The following SUGCT variants were observed in gnomAD, a reference collection of about 807,000 sequenced individuals.
SUGCT encodes succinyl-CoA:glutarate-CoA transferase, also known as succinyl-CoA:glutarate CoA-transferase.
SUGCT carries 41 observed loss-of-function variants against 55.0 expected under a neutral mutation model. The observed-to-expected ratio is 0.74, with a 90% CI of 0.58 to 0.97. SUGCT has a LOEUF of 0.97. Among genes scored for constraint, SUGCT ranks in the 50% least tolerant of loss-of-function variants. The probability of loss-of-function intolerance (pLI) is 0.00; values close to 1 mark genes in which losing one functional copy is unlikely to be tolerated. For missense variants in SUGCT, 568 were observed against 547.8 expected, an observed-to-expected ratio of 1.04 and a Z score of -0.37; for synonymous variants, 187 against 200.4, an observed-to-expected ratio of 0.93 and a Z score of 0.56.
intron 9 of SUGCT, among the ~76,000 whole-genome samples, chr7:40,353,598 T>C (rs747329468): frequency 2.0e-5 from 3 of 152,176 alleles, no homozygotes; most frequent in Non-Finnish European, 4.4e-5. Flanking sequence ...ACTAATACCA[T>C]TTTCTGTGCT....
chr7:40,189,923 A>G (rs1562564564), intron 5 of SUGCT, among the ~76,000 whole-genome samples: 1 of 152,202 alleles, frequency 6.6e-6, no homozygotes, highest in Non-Finnish European at 1.5e-5. Context: ...TCATTTACAT[A>G]AAAGGGAATT....
the SUGCT span, among the ~76,000 whole-genome samples, chr7:40,923,712 T>A: frequency 6.6e-6 from 1 of 152,152 alleles, no homozygotes; most frequent in Non-Finnish European, 1.5e-5. Flanking sequence ...GGCAAAAATA[T>A]GGTATTTGGT....
chr7:40,886,075 A>G, the SUGCT span, among the ~76,000 whole-genome samples: 9 of 152,212 alleles, frequency 5.9e-5, no homozygotes, highest in Non-Finnish European at 1.0e-4. Context: ...GGCCTAGTAT[A>G]TATAAACATG....
intron 9 of SUGCT, among the ~76,000 whole-genome samples, chr7:40,417,879 T>C (rs902406237): frequency 3.9e-5 from 5 of 127,504 alleles, no homozygotes; most frequent in African/African-American, 5.9e-5. Context: ...TTTTGCTTTA[T>C]TTATTACACT....
chr7:40,958,039 G>C, the SUGCT span, among the ~76,000 whole-genome samples: 2 of 152,152 alleles, frequency 1.3e-5, no homozygotes, highest in African/African-American at 4.8e-5. Context: ...GTCTGTTAGT[G>C]TGATGGGCCT....
chr7:40,918,148 C>T, the SUGCT span, among the ~76,000 whole-genome samples: 1 of 151,966 alleles, frequency 6.6e-6, no homozygotes, highest in East Asian at 1.9e-4. Flanking sequence ...TCATACCCCC[C>T]TGAAAAGGGT....
intron 8 of SUGCT, among the ~76,000 whole-genome samples, chr7:40,291,360 A>G (rs1042433971): frequency 5.3e-5 from 8 of 151,004 alleles, no homozygotes; most frequent in African/African-American, 1.2e-4. Flanking sequence ...TTGCAGGGAC[A>G]TGGATGAAAC....
At chr7:40,780,105 C>T (rs1396762266) in intron 13 of SUGCT, among the ~76,000 whole-genome samples, 1 of 152,054 alleles carries the variant, frequency 6.6e-6, no homozygotes, top group Non-Finnish European at 1.5e-5. Context: ...ATCTGTTGCC[C>T]TCCTTTGCTT....
At chr7:40,625,365 G>A (rs1799477934) in intron 12 of SUGCT, among the ~76,000 whole-genome samples, 1 of 152,064 alleles carries the variant, frequency 6.6e-6, no homozygotes, top group Non-Finnish European at 1.5e-5. Context: ...CATTTAAATA[G>A]GGTATCAGGA....
chr7:40,215,722 C>T (rs920520369), intron 6 of SUGCT, among the ~76,000 whole-genome samples: 53 of 151,872 alleles, frequency 3.5e-4, no homozygotes, highest in African/African-American at 1.0e-3. Flanking sequence ...ATTAGCTGGG[C>T]GAGGTGGCGG....
chr7:40,235,203 T>C (rs1036002842), intron 6 of SUGCT, among the ~76,000 whole-genome samples: 8 of 152,236 alleles, frequency 5.3e-5, no homozygotes, highest in African/African-American at 1.4e-4. Context: ...TTGTTTTACA[T>C]ACTCTTATTT....
At chr7:40,678,565 AAAAT>A (rs780831390) in intron 12 of SUGCT, among the ~76,000 whole-genome samples, 2 of 152,194 alleles carry the variant, frequency 1.3e-5, no homozygotes, top group Non-Finnish European at 2.9e-5. Flanking sequence ...TTGGAACCCA[AAAAT>A]AAATAAATAA....
At chr7:40,364,233 A>C (rs1435730671) in intron 9 of SUGCT, among the ~76,000 whole-genome samples, 1 of 152,148 alleles carries the variant, frequency 6.6e-6, no homozygotes, top group African/African-American at 2.4e-5. Context: ...GGGTTTTCTG[A>C]ATACAACACA....
intron 9 of SUGCT, among the ~76,000 whole-genome samples, chr7:40,445,119 G>A (rs1788743121): frequency 6.6e-6 from 1 of 151,516 alleles, no homozygotes; most frequent in Non-Finnish European, 1.5e-5. Context: ...TGCTTGATTT[G>A]GTGCAGAAGG....
intron 12 of SUGCT, among the ~76,000 whole-genome samples, chr7:40,693,314 A>T (rs907746039): frequency 1.3e-5 from 2 of 152,184 alleles, no homozygotes; most frequent in South Asian, 4.1e-4. Flanking sequence ...GATGAGAATG[A>T]TGGATGGTAC....
At chr7:41,009,529 T>TCCATCCATCCTTCCTTCCATCCA in the SUGCT span, among the ~76,000 whole-genome samples, 1 of 150,562 alleles carries the variant, frequency 6.6e-6, no homozygotes, top group Non-Finnish European at 1.5e-5. Context: ...CCATCCACCA[T>TCCATCCATCCTTCCTTCCATCCA]CCATCCATCC....
chr7:40,502,803 T>A (rs2151533355), intron 12 of SUGCT, among the ~76,000 whole-genome samples: 1 of 152,238 alleles, frequency 6.6e-6, no homozygotes, highest in Middle Eastern at 3.4e-3. Context: ...CTTTCCTCAC[T>A]TTTTAGTTAT....
At chr7:40,153,756 C>A (rs1788707287) in intron 1 of SUGCT, 1 of 430,986 alleles carries the variant, frequency 2.3e-6, no homozygotes, top group Non-Finnish European at 4.7e-6. Flanking sequence ...CTTTATTGAC[C>A]AAGAGCCAAA....
intron 9 of SUGCT, among the ~76,000 whole-genome samples, chr7:40,367,701 CTCT>C (rs1311810243): frequency 3.3e-5 from 5 of 152,186 alleles, no homozygotes; most frequent in African/African-American, 7.2e-5. Context: ...TATCAAATCT[CTCT>C]TCTTATTTCC....
Sources: allele counts gnomAD v4.1 joint callset (sites outside exome capture counted in the v4.1 genomes callset), GRCh38; gene constraint gnomAD v4.1.1; transcripts MANE v1.5; gene names NCBI Gene and HGNC (gene_info 2026-07-23, HGNC 2026-07-21).